The following RTL1 variants were observed in gnomAD, a reference collection of about 807,000 sequenced individuals.
RTL1 encodes the protein retrotransposon-like protein 1.
For synonymous variants in RTL1, 727 were observed against 748.4 expected (o/e 0.97, Z 0.47); for missense variants, 1,681 against 1,767.5 (o/e 0.95, Z 0.88).
Position 100,882,221 on chromosome 14 carries a change from C to T in RTL1, c.2568G>A (p.Leu856=), listed in dbSNP as rs1398388557. ...GVEEQEAFEC[L]KRAFRKAPLL... Reference sequence around the variant, plus strand: ...GAGGCGCCTTGCGGAAAGCCCTCTTCAGGCACTCGAAGGCCTCTTGCTCCT... The same window carrying T: ...GAGGCGCCTTGCGGAAAGCCCTCTTTAGGCACTCGAAGGCCTCTTGCTCCT... The change falls in exon 4 of 4, where the codon CTG becomes CTA. Residue 856 remains leucine (L), a synonymous_variant. Transcript: ENST00000649591. The T allele has an allele frequency of 2.6e-6, 4 of 1,551,152 alleles. No homozygotes were observed. Among genetic ancestry groups the T allele is most frequent in the East Asian group, 4.9e-5 (2 of 40,914 alleles).
At chr14:100,897,101 A>C (rs1252726977) in intron 2 of RTL1, among the ~76,000 whole-genome samples, 1 of 152,174 alleles carries the variant, frequency 6.6e-6, no homozygotes, top group African/African-American at 2.4e-5. Flanking sequence ...GATGTCACTG[A>C]CAGGCTGCTC....
At chr14:100,902,015 G>A (rs1164945485) in intron 2 of RTL1, among the ~76,000 whole-genome samples, 3 of 152,116 alleles carry the variant, frequency 2.0e-5, no homozygotes, top group Non-Finnish European at 4.4e-5. Context: ...CTTCTCAAAG[G>A]CCTAAACATG....
chr14:100,895,119 T>A (rs1453983530), intron 2 of RTL1: 2 of 152,276 alleles, frequency 1.3e-5, no homozygotes, highest in Non-Finnish European at 2.9e-5. Flanking sequence ...CGTATAACCT[T>A]AACACAGTGT....
intron 2 of RTL1, among the ~76,000 whole-genome samples, chr14:100,896,577 T>C (rs1188099571): frequency 6.6e-6 from 1 of 151,480 alleles, no homozygotes; most frequent in Non-Finnish European, 1.5e-5. Context: ...GCCCTGAAGC[T>C]TAGTGTGCAA....
In RTL1 at chr14:100,881,618, G is replaced by A. The variant is rs753797573; in HGVS notation, c.3171C>T (p.Asp1057=). ...RQELLAMIPI[D]QILNSFLAHF... is the part of the protein sequence containing the mutation. ...GGGCGAGGAAGCTGTTGAGGATCTG[G>A]TCGATGGGTATCATGGCCAGCAGCT... Residue 1057 remains aspartate (D), a synonymous_variant, in exon 4 of 4, where the codon GAC becomes GAT. Coordinates refer to ENST00000649591, the MANE Select transcript of RTL1 (RefSeq NM_001134888.3). The surrounding 1 kb of genome is among the most constrained non-coding windows in gnomAD (Gnocchi z 6.6). 12 of 1,551,752 alleles carry A rather than the reference G, an allele frequency of 7.7e-6. No individual in the cohort carries two copies. The highest frequency in any genetic ancestry group is 1.7e-4 in the Middle Eastern group (1 of 6,014).
intron 3 of RTL1, among the ~76,000 whole-genome samples, chr14:100,887,911 AC>A (rs2038715486): frequency 1.3e-5 from 2 of 151,146 alleles, no homozygotes; most frequent in South Asian, 4.2e-4. Flanking sequence ...TCTATAAATG[AC>A]CCGTCTCCTC....
In RTL1 at chr14:100,882,948, G is replaced by A. The variant is rs373195780; in HGVS notation, c.1841C>T (p.Ala614Val). The A allele has an allele frequency of 1.5e-5, 24 of 1,613,396 alleles. No individual in the cohort carries two copies. Among genetic ancestry groups the A allele is most frequent in the Non-Finnish European group, 1.8e-5 (21 of 1,179,818 alleles). Residue 614 changes from alanine to valine, a missense_variant, in exon 4 of 4, where the codon GCG becomes GTG. Physicochemically the swap from Ala to Val is moderately conservative, Grantham distance 64. Transcript: ENST00000649591. ...SETFYECPST[A>V]PWEPVGARMQ... The stretch of plus-strand genomic sequence containing the variant: ...CCTGGCACCCACAGGTTCCCAAGGC[G>A]CGGTGGAGGGACACTCGTAAAAGGT...
chr14:100,881,351 G>T lies in RTL1; in HGVS notation c.3438C>A (p.Leu1146=). The change falls in exon 4 of 4, where the codon CTC becomes CTA. Residue 1146 remains leucine (L), a synonymous_variant. Coordinates refer to ENST00000649591, the MANE Select transcript of RTL1 (RefSeq NM_001134888.3). The surrounding 1 kb of genome is among the most constrained non-coding windows in gnomAD (Gnocchi z 6.6). The part of the protein sequence containing the change: ...SSITTAITQL[L]TQMPALVGAN... Reference sequence around the variant, plus strand: ...CACCTACGAGAGCGGGCATCTGGGTGAGCAGCTGGGTGATGGCTGTCGTGA... The same window carrying T: ...CACCTACGAGAGCGGGCATCTGGGTTAGCAGCTGGGTGATGGCTGTCGTGA... The T allele has an allele frequency of 1.3e-6, 2 of 1,550,650 alleles. No homozygotes were observed. Among genetic ancestry groups the T allele is most frequent in the Non-Finnish European group, 1.7e-6 (2 of 1,146,994 alleles).
At position 100,893,922 on chromosome 14, in the gene RTL1, C is replaced by T. The variant is rs1183502701; in HGVS notation, c.-148-417G>A. On this transcript the variant is annotated intron_variant, in intron 2 of 3. Coordinates refer to ENST00000649591, the MANE Select transcript of RTL1 (RefSeq NM_001134888.3). The surrounding 1 kb of genome is among the most constrained non-coding windows in gnomAD (Gnocchi z 4.2). Reference sequence around the variant, plus strand: ...AGCGTCAGCCTCGCTGGCGTCCTCACTGGCCATGGCCCTGCAGCCTTGCTC... The same window carrying T: ...AGCGTCAGCCTCGCTGGCGTCCTCATTGGCCATGGCCCTGCAGCCTTGCTC... Among the ~76,000 whole-genome samples the T allele has an allele frequency of 2.0e-5, 3 of 152,368 alleles. No homozygotes were observed. The East Asian group carries it at 5.8e-4, about 29-fold the overall frequency.
chr14:100,883,846 A>G lies in RTL1; in HGVS notation c.943T>C (p.Leu315=), dbSNP rs752905863. 2.5e-5 allele frequency: 39 copies of G among 1,551,570 alleles called. No homozygotes were observed. Among genetic ancestry groups the G allele is most frequent in the Admixed American group, 5.9e-5 (3 of 50,990 alleles). ...TGCAGGACTTCATCTGGCCAGCCCA[A>G]GATGGGTACCAGGCTCTGGAACTCA... ...IDEFQSLVPI[L]GWPDEVLQAH... The change falls in exon 4 of 4, where the codon TTG becomes CTG. Residue 315 remains leucine, a synonymous_variant. Transcript: ENST00000649591. This position sits in a 1 kb window ranked among gnomAD's most constrained non-coding sequence, Gnocchi z 5.9.
intron 3 of RTL1, among the ~76,000 whole-genome samples, chr14:100,887,098 C>T (rs2038706152): frequency 6.6e-6 from 1 of 152,136 alleles, no homozygotes; most frequent in Non-Finnish European, 1.5e-5. Context: ...TTTTTATTGC[C>T]TGTAAAGTTT....
chr14:100,890,507 G>C (rs1267330607), intron 3 of RTL1, among the ~76,000 whole-genome samples: 1 of 151,594 alleles, frequency 6.6e-6, no homozygotes, highest in Non-Finnish European at 1.5e-5. Context: ...AGGGTGGGAG[G>C]CTGGGGGCTG....
intron 2 of RTL1, among the ~76,000 whole-genome samples, chr14:100,896,975 C>T (rs144737571): frequency 2.2e-4 from 34 of 152,192 alleles, no homozygotes; most frequent in Non-Finnish European, 4.7e-4. Flanking sequence ...CATTGGCTTT[C>T]GGGTCCTTTT....
Position 100,882,972 on chromosome 14 carries a change from G to T in RTL1, c.1817C>A (p.Thr606Asn), listed in dbSNP as rs761403886. ...QQAGDSDHSE[T>N]FYECPSTAPW... ...CGCGGTGGAGGGACACTCGTAAAAGGTCTCGCTGTGATCACTGTCTCCAGC... is the reference window on the plus strand; with the variant it reads ...CGCGGTGGAGGGACACTCGTAAAAGTTCTCGCTGTGATCACTGTCTCCAGC... Residue 606 changes from threonine (T) to asparagine (N), a missense_variant, in exon 4 of 4, where the codon ACC (threonine) becomes AAC (asparagine). Physicochemically the swap from Thr to Asn is moderately conservative, Grantham distance 65. Coordinates refer to ENST00000649591, the MANE Select transcript of RTL1 (RefSeq NM_001134888.3). 3 of 1,614,102 alleles carry T rather than the reference G, an allele frequency of 1.9e-6. No homozygotes were observed. Among genetic ancestry groups the T allele is most frequent in the East Asian group, 4.5e-5 (2 of 44,878 alleles).
chr14:100,887,592 A>G (rs2038711104), intron 3 of RTL1, among the ~76,000 whole-genome samples: 2 of 152,138 alleles, frequency 1.3e-5, no homozygotes, highest in Non-Finnish European at 1.5e-5. Context: ...TGTTTCTACT[A>G]AAAATACAAA....
intron 2 of RTL1, among the ~76,000 whole-genome samples, chr14:100,896,381 G>C (rs184751411): frequency 6.6e-6 from 1 of 152,232 alleles, no homozygotes; most frequent in Non-Finnish European, 1.5e-5. Context: ...TGATCTGTGC[G>C]GATGGAGACT....
intron 2 of RTL1, among the ~76,000 whole-genome samples, chr14:100,901,185 TGAAATTTTTCTGCTCCATG>T (rs767517760): frequency 5.3e-5 from 8 of 152,154 alleles, no homozygotes; most frequent in Non-Finnish European, 1.2e-4. Context: ...CTGCCCTCCT[TGAAATTTTTCTGCTCCATG>T]GAGGTGCATC....
intron 2 of RTL1, among the ~76,000 whole-genome samples, chr14:100,895,765 T>C (rs1366633413): frequency 6.6e-6 from 1 of 152,158 alleles, no homozygotes; most frequent in African/African-American, 2.4e-5. Context: ...ACTGCATTTT[T>C]ATTTACCATA....
At position 100,883,553 on chromosome 14, in the gene RTL1, C is replaced by T. The variant is rs1450278450; in HGVS notation, c.1236G>A (p.Leu412=). ...GGTAGGGGTTCACTCTCACCATGAGCAGCAGGAAGAGGTGGGCGCGATTGA... is the reference window on the plus strand; with the variant it reads ...GGTAGGGGTTCACTCTCACCATGAGTAGCAGGAAGAGGTGGGCGCGATTGA... ...PDINRAHLFL[L]LMVRVNPYHS... is the part of the protein sequence containing the mutation. Residue 412 remains leucine (L), a synonymous_variant, in exon 4 of 4, where the codon CTG becomes CTA. Coordinates refer to ENST00000649591, the MANE Select transcript of RTL1 (RefSeq NM_001134888.3). This position sits in a 1 kb window ranked among gnomAD's most constrained non-coding sequence, Gnocchi z 5.9. 1.3e-6 allele frequency: 2 copies of T among 1,551,524 alleles called. No homozygotes were observed. The highest frequency in any genetic ancestry group is 8.7e-7 in the Non-Finnish European group (1 of 1,146,984).
Sources: allele counts gnomAD v4.1 joint callset (sites outside exome capture counted in the v4.1 genomes callset), GRCh38; gene constraint gnomAD v4.1.1; non-coding constraint Gnocchi (gnomAD v3.1); transcripts MANE v1.5; gene names NCBI Gene and HGNC (gene_info 2026-07-23, HGNC 2026-07-21).